The following CELF4 variants were observed in gnomAD, a reference collection of about 807,000 sequenced individuals.
The protein encoded by CELF4 is CUGBP Elav-like family member 4, also known as CUG-BP- and ETR-3-like factor 4.
Under a neutral mutation model 59.9 loss-of-function variants are expected in CELF4, and 18 were observed. The ratio of observed to expected loss-of-function variants is 0.30; its 90% CI spans 0.21 to 0.45. The LOEUF (loss-of-function observed/expected upper bound fraction) is 0.45, where lower values mean the gene tolerates loss of function less well. CELF4 is among the 20% of genes least tolerant of loss of function. CELF4 has a pLI of 1.00. For synonymous variants in CELF4, 261 were observed against 267.1 expected (o/e 0.98, Z 0.22); for missense variants, 456 against 689.0 (o/e 0.66, Z 3.79).
chr18:37,346,608 A>G (rs752810904), intron 2 of CELF4, among the ~76,000 whole-genome samples: 8 of 152,222 alleles, frequency 5.3e-5, no homozygotes, highest in Non-Finnish European at 8.8e-5. Flanking sequence ...TGCTGGAACC[A>G]GGGCAGAGAA....
chr18:37,372,755 A>G lies in CELF4; in HGVS notation c.370-50874T>C, dbSNP rs571564106. On this transcript the variant is annotated intron_variant, in intron 2 of 12. Transcript: ENST00000420428. ...TATTACTTATGAGACTCAACTGGGTATATGTTTAATAATTACCCAGTCTCC... is the reference window on the plus strand; with the variant it reads ...TATTACTTATGAGACTCAACTGGGTGTATGTTTAATAATTACCCAGTCTCC... Among the ~76,000 whole-genome samples, 10 of 152,300 alleles carry G rather than the reference A, an allele frequency of 6.6e-5. No homozygotes were observed. In the East Asian group the frequency reaches 1.9e-3, roughly 29 times the overall value.
intron 8 of CELF4, 86 bp downstream of exon 8, chr18:37,270,682 C>T: frequency 6.6e-6 from 10 of 1,508,550 alleles, no homozygotes; most frequent in Non-Finnish European, 9.2e-6. Context: ...GGGCAGGAGC[C>T]ACATCTTGTT....
chr18:37,405,373 T>G (rs901323189), intron 2 of CELF4, among the ~76,000 whole-genome samples: 16 of 152,206 alleles, frequency 1.1e-4, no homozygotes, highest in African/African-American at 3.9e-4. Context: ...ACCCAAGGTG[T>G]GCTCTGCTCA....
At chr18:37,536,652 C>T (rs918476517) in intron 1 of CELF4, among the ~76,000 whole-genome samples, 1 of 152,172 alleles carries the variant, frequency 6.6e-6, no homozygotes, top group Non-Finnish European at 1.5e-5. Flanking sequence ...GGTGGCCCAC[C>T]TGAGATGGCA....
At position 37,254,950 on chromosome 18, in the gene CELF4, G is replaced by A. The variant is rs561943092; in HGVS notation, c.1334-1012C>T. ...AGGGCTTGTGTGGTCAGGAGGTTTAGAGCCAGGCCCACTGGGCCAGTGCAG... is the reference window on the plus strand; with the variant it reads ...AGGGCTTGTGTGGTCAGGAGGTTTAAAGCCAGGCCCACTGGGCCAGTGCAG... On this transcript the variant is annotated intron_variant, in intron 11 of 12. Transcript: ENST00000420428. The surrounding 1 kb of genome is among the most constrained non-coding windows in gnomAD (Gnocchi z 5.1). Among the ~76,000 whole-genome samples the A allele has an allele frequency of 5.9e-5, 9 of 152,314 alleles. No individual in the cohort carries two copies. The highest frequency in any genetic ancestry group is 3.9e-4 in the East Asian group (2 of 5,176).
chr18:37,503,314 A>G (rs772373195), intron 1 of CELF4, among the ~76,000 whole-genome samples: 8 of 152,072 alleles, frequency 5.3e-5, no homozygotes, highest in Non-Finnish European at 8.8e-5. Flanking sequence ...AGGAGAATAT[A>G]TTTTCCCATG....
At chr18:37,373,333 T>C (rs1274547387) in intron 2 of CELF4, among the ~76,000 whole-genome samples, 3 of 152,134 alleles carry the variant, frequency 2.0e-5, no homozygotes, top group Non-Finnish European at 4.4e-5. Context: ...CCTTCTGATT[T>C]CAGATGTGGA....
In CELF4 at chr18:37,259,239, G is replaced by T. The variant is rs1232571058; in HGVS notation, c.1275C>A (p.Ile425=). The change falls in exon 11 of 13, where the codon ATC becomes ATA. Residue 425 remains isoleucine (I), a synonymous_variant. Coordinates refer to ENST00000420428, the MANE Select transcript of CELF4 (RefSeq NM_020180.4). ...CCCCAAACTCCTGGGGCAGATGGTA[G>T]ATGAACAGGTTACAGCCCTCGGGCC... The part of the protein sequence containing the change: ...REGPEGCNLF[I]YHLPQEFGDA... 7.2e-7 allele frequency: 1 copy of T among 1,387,960 alleles called. No homozygotes were observed. The highest frequency in any genetic ancestry group is 9.6e-7 in the Non-Finnish European group (1 of 1,038,220). 86.0% of individuals were successfully genotyped at this position (1,387,960 alleles called of 1,614,324 possible).
At position 37,254,772 on chromosome 18, in the gene CELF4, AG is replaced by A. The variant is rs2068116848; in HGVS notation, c.1334-835del. On this transcript the variant is annotated intron_variant, in intron 11 of 12. Coordinates refer to ENST00000420428, the MANE Select transcript of CELF4 (RefSeq NM_020180.4). This position sits in a 1 kb window ranked among gnomAD's most constrained non-coding sequence, Gnocchi z 5.1. ...TGGCATGCAGAACCTTGCGGCTCCC[AG>A]GCCCAACCGCGCAGGTCCCAGATGG... is the stretch of plus-strand genomic sequence containing the variant. Among the ~76,000 whole-genome samples the A allele has an allele frequency of 6.6e-6, 1 of 152,266 alleles. No homozygotes were observed. The highest frequency in any genetic ancestry group is 1.5e-5 in the Non-Finnish European group (1 of 68,046).
chr18:37,455,123 CGAGA>C (rs2099774655), intron 2 of CELF4, among the ~76,000 whole-genome samples: 1 of 152,202 alleles, frequency 6.6e-6, no homozygotes, highest in Admixed American at 6.5e-5. Flanking sequence ...CTTTTGGATA[CGAGA>C]GCCTTTTATT....
intron 3 of CELF4, among the ~76,000 whole-genome samples, chr18:37,302,313 G>A (rs993569416): frequency 2.6e-5 from 4 of 152,108 alleles, no homozygotes; most frequent in Admixed American, 1.3e-4. Context: ...TAGAATTCCT[G>A]TCTGTATCCA....
At chr18:37,347,507 A>C (rs564432209) in intron 2 of CELF4, among the ~76,000 whole-genome samples, 50 of 152,044 alleles carry the variant, frequency 3.3e-4, no homozygotes, top group Non-Finnish European at 5.4e-4. Flanking sequence ...CCTCACAGCC[A>C]CTCAGGTCCC....
chr18:37,344,192 C>T (rs1335774780), intron 2 of CELF4, among the ~76,000 whole-genome samples: 1 of 152,234 alleles, frequency 6.6e-6, no homozygotes, highest in African/African-American at 2.4e-5. Context: ...GGCTGGGCAT[C>T]CACAGTAACA....
chr18:37,382,067 T>A (rs929209012), intron 2 of CELF4, among the ~76,000 whole-genome samples: 3 of 152,176 alleles, frequency 2.0e-5, no homozygotes, highest in Non-Finnish European at 2.9e-5. Flanking sequence ...TAAATTGACC[T>A]GGTAGGGAAG....
At chr18:37,480,923 A>C (rs1166100102) in intron 2 of CELF4, among the ~76,000 whole-genome samples, 1 of 152,170 alleles carries the variant, frequency 6.6e-6, no homozygotes, top group Non-Finnish European at 1.5e-5. Flanking sequence ...GAAGGGATAG[A>C]AAGGAGAGAC....
chr18:37,258,372 T>C (rs371384828), intron 11 of CELF4, among the ~76,000 whole-genome samples: 55 of 151,708 alleles, frequency 3.6e-4, no homozygotes, highest in African/African-American at 1.3e-3. Context: ...GCCTTCCTCA[T>C]CCAATTCTCC....
chr18:37,411,538 A>G (rs1569569090), intron 2 of CELF4, among the ~76,000 whole-genome samples: 1 of 152,164 alleles, frequency 6.6e-6, no homozygotes, highest in Non-Finnish European at 1.5e-5. Context: ...TGACTTATTC[A>G]TGAGGGGCAC....
At chr18:37,338,917 T>C (rs530307866) in intron 2 of CELF4, among the ~76,000 whole-genome samples, 3 of 152,158 alleles carry the variant, frequency 2.0e-5, no homozygotes, top group African/African-American at 7.2e-5. Context: ...CCTTTCTCTC[T>C]GGACAATGCC....
At chr18:37,414,302 C>T (rs919663382) in intron 2 of CELF4, among the ~76,000 whole-genome samples, 1 of 151,666 alleles carries the variant, frequency 6.6e-6, no homozygotes, top group Non-Finnish European at 1.5e-5. Context: ...TTCCACTCAC[C>T]CATCTACCCA....
Sources: gnomAD v4.1 joint callset for allele counts (sites outside exome capture counted in the v4.1 genomes callset) on GRCh38, gnomAD v4.1.1 for gene constraint, Gnocchi (gnomAD v3.1) non-coding constraint, MANE v1.5 for transcripts, NCBI Gene and HGNC (gene_info 2026-07-23, HGNC 2026-07-21) for gene names.